The following PTGER4 variants were observed in gnomAD, a reference collection of about 807,000 sequenced individuals.
The protein encoded by PTGER4 is prostaglandin E2 receptor EP4 subtype.
A neutral mutation model predicts 33.2 loss-of-function variants in PTGER4; 11 were observed. The observed-to-expected ratio is 0.33, with a 90% CI of 0.21 to 0.55. The LOEUF is 0.55. Among genes scored for constraint, PTGER4 ranks in the 20% least tolerant of loss-of-function variants. PTGER4 has a pLI of 0.92. For synonymous variants in PTGER4, 275 were observed against 281.5 expected, an observed-to-expected ratio of 0.98 and a Z score of 0.23; for missense variants, 481 against 650.2, an observed-to-expected ratio of 0.74 and a Z score of 2.83.
At chr5:40,746,345 T>A in the PTGER4 span, among the ~76,000 whole-genome samples, 1 of 152,192 alleles carries the variant, frequency 6.6e-6, no homozygotes, top group Non-Finnish European at 1.5e-5. Flanking sequence ...TTTACTTAAG[T>A]ATATAAGAAG....
At chr5:40,741,027 A>T in the PTGER4 span, among the ~76,000 whole-genome samples, 3 of 152,000 alleles carry the variant, frequency 2.0e-5, no homozygotes, top group African/African-American at 7.3e-5. Context: ...CTCTCTGTCC[A>T]CTACTTCCAT....
chr5:40,717,485 C>T, the PTGER4 span, among the ~76,000 whole-genome samples: 4 of 152,164 alleles, frequency 2.6e-5, no homozygotes, highest in Non-Finnish European at 1.5e-5. Context: ...AGGTCAACCT[C>T]AGCACTACTG....
Position 40,680,900 on chromosome 5 carries a change from A to C in PTGER4, c.-43-51A>C. ...CTCGGGCGCGGGTCTAACACCTTAC[A>C]AGTGGTAATTTCCGCTCACGGCAGC... On this transcript the variant is annotated intron_variant, in intron 1 of 2. Coordinates refer to ENST00000302472, the MANE Select transcript of PTGER4 (RefSeq NM_000958.3). The surrounding 1 kb of genome is among the most constrained non-coding windows in gnomAD (Gnocchi z 5.5). 6.8e-7 allele frequency: 1 copy of C among 1,472,322 alleles called. No individual in the cohort carries two copies. Among genetic ancestry groups the C allele is most frequent in the Non-Finnish European group, 9.1e-7 (1 of 1,093,748 alleles). The allele number at this position is 1,472,322 out of a possible 1,614,324, so 91.2% of individuals were successfully genotyped here. A position where few individuals can be genotyped will look rare whatever the true frequency, so the allele number is the denominator to read the frequency against.
At chr5:40,746,149 A>T in the PTGER4 span, among the ~76,000 whole-genome samples, 2 of 152,132 alleles carry the variant, frequency 1.3e-5, no homozygotes, top group Non-Finnish European at 2.9e-5. Context: ...TTCCCCACTG[A>T]CTAATGAAAA....
chr5:40,686,714 T>TA (rs1262198872), intron 2 of PTGER4, among the ~76,000 whole-genome samples: 11 of 151,884 alleles, frequency 7.2e-5, no homozygotes, highest in Admixed American at 1.3e-4. Context: ...CTAATCATCC[T>TA]AAAAAAAAGT....
At chr5:40,725,750 C>T in the PTGER4 span, among the ~76,000 whole-genome samples, 1 of 150,406 alleles carries the variant, frequency 6.6e-6, no homozygotes, top group Non-Finnish European at 1.5e-5. Context: ...TTCCCTCATA[C>T]AGAATTTTTA....
chr5:40,734,877 T>C, the PTGER4 span, among the ~76,000 whole-genome samples: 3 of 152,124 alleles, frequency 2.0e-5, no homozygotes, highest in Admixed American at 2.0e-4. Context: ...AAAATATAAG[T>C]GCCGTGATAA....
chr5:40,744,604 A>C, the PTGER4 span, among the ~76,000 whole-genome samples: 1 of 151,774 alleles, frequency 6.6e-6, no homozygotes, highest in Non-Finnish European at 1.5e-5. Context: ...AGTCAAAGGC[A>C]CACAGGCCTG....
At chr5:40,739,655 G>T in the PTGER4 span, among the ~76,000 whole-genome samples, 1 of 152,118 alleles carries the variant, frequency 6.6e-6, no homozygotes, top group African/African-American at 2.4e-5. Flanking sequence ...GCTTTCCTGA[G>T]GGCTCCCCAG....
At chr5:40,746,673 A>T in the PTGER4 span, 3 of 711,908 alleles carry the variant, frequency 4.2e-6, no homozygotes, top group Non-Finnish European at 6.6e-6. Flanking sequence ...TTCTTTGATT[A>T]ATTTAGCACC....
the PTGER4 span, among the ~76,000 whole-genome samples, chr5:40,740,350 T>C: frequency 1.8e-4 from 27 of 152,064 alleles, no homozygotes; most frequent in South Asian, 1.0e-3. Flanking sequence ...TAATGGGTTA[T>C]CTCAGCTTTT....
chr5:40,697,794 G>C (rs962992903), downstream of PTGER4, among the ~76,000 whole-genome samples: 1 of 151,472 alleles, frequency 6.6e-6, no homozygotes, highest in African/African-American at 2.4e-5. Flanking sequence ...TAATATACAA[G>C]GTGAACTAAA....
chr5:40,744,590 T>C, the PTGER4 span, among the ~76,000 whole-genome samples: 1 of 151,578 alleles, frequency 6.6e-6, no homozygotes, highest in Non-Finnish European at 1.5e-5. Flanking sequence ...ACATGGAAGA[T>C]ACCAGTCAAA....
the PTGER4 span, chr5:40,728,438 A>T: frequency 2.5e-6 from 4 of 1,613,802 alleles, no homozygotes; most frequent in Non-Finnish European, 3.4e-6. Context: ...TTTCTGCTGC[A>T]TGTACTGCTG....
the PTGER4 span, among the ~76,000 whole-genome samples, chr5:40,725,498 T>C: frequency 1.3e-5 from 2 of 152,008 alleles, no homozygotes; most frequent in Admixed American, 6.6e-5. Context: ...GTAAACAAAA[T>C]TAGTATTTAT....
chr5:40,730,159 A>C, the PTGER4 span: 1 of 862,990 alleles, frequency 1.2e-6, no homozygotes, highest in Non-Finnish European at 1.8e-6. Flanking sequence ...CCGTATTTGT[A>C]AAAGAAAATG....
downstream of PTGER4, among the ~76,000 whole-genome samples, chr5:40,697,763 G>A (rs960885288): frequency 2.0e-5 from 3 of 151,240 alleles, no homozygotes; most frequent in African/African-American, 7.3e-5. Flanking sequence ...AAAGAGAGGT[G>A]GAAAAAAGGC....
the PTGER4 span, chr5:40,728,246 T>G: frequency 1.0e-6 from 1 of 964,266 alleles, no homozygotes; most frequent in Non-Finnish European, 1.4e-6. Flanking sequence ...ATTGCACCAC[T>G]GCACTGTACC....
In PTGER4 at chr5:40,680,820, T is replaced by C. The variant is rs548324855; in HGVS notation, c.-43-131T>C. ...TTGGTGGCCGCAGTTGGTAAGTGGCTACAATCCAGAAAGTAGGATCGAGTT... is the reference window on the plus strand; with the variant it reads ...TTGGTGGCCGCAGTTGGTAAGTGGCCACAATCCAGAAAGTAGGATCGAGTT... On this transcript the variant is annotated intron_variant, in intron 1 of 2. Coordinates refer to ENST00000302472, the MANE Select transcript of PTGER4 (RefSeq NM_000958.3). This position sits in a 1 kb window ranked among gnomAD's most constrained non-coding sequence, Gnocchi z 5.5. 4.7e-6 allele frequency: 4 copies of C among 842,500 alleles called. No homozygotes were observed. In the Admixed American group the frequency reaches 1.0e-4, roughly 21 times the overall value. 52.2% of individuals were successfully genotyped at this position (842,500 alleles called of 1,614,324 possible).
Sources: allele counts gnomAD v4.1 joint callset (sites outside exome capture counted in the v4.1 genomes callset), GRCh38; gene constraint gnomAD v4.1.1; non-coding constraint Gnocchi (gnomAD v3.1); transcripts MANE v1.5; gene names NCBI Gene and HGNC (gene_info 2026-07-23, HGNC 2026-07-21).